The following ENPP6 variants were observed in gnomAD, a reference collection of about 807,000 sequenced individuals.
ENPP6 encodes the protein glycerophosphocholine cholinephosphodiesterase ENPP6.
In ENPP6, 32 loss-of-function variants were observed where a neutral mutation model predicts 42.0. The observed-to-expected ratio is 0.76, with a 90% CI of 0.58 to 1.02. The LOEUF is 1.02. Ranked by LOEUF, ENPP6 falls within the 50% of genes least tolerant of loss-of-function variation. The pLI is 0.00. For synonymous variants in ENPP6, 213 were observed against 216.0 expected, an observed-to-expected ratio of 0.99 and a Z score of 0.12; for missense variants, 552 against 566.8, an observed-to-expected ratio of 0.97 and a Z score of 0.27.
At chr4:184,194,404 G>A (rs73009747) in intron 1 of ENPP6, among the ~76,000 whole-genome samples, 135 of 152,310 alleles carry the variant, frequency 8.9e-4, no homozygotes, top group African/African-American at 3.2e-3. Context: ...CAATGTTTCT[G>A]GCAGGGAGGA....
chr4:184,107,740 C>T (rs1736122924), intron 6 of ENPP6, among the ~76,000 whole-genome samples: 1 of 152,106 alleles, frequency 6.6e-6, no homozygotes, highest in Non-Finnish European at 1.5e-5. Flanking sequence ...ACAGTGAAAC[C>T]TCGTCTCTAC....
At chr4:184,110,770 C>A (rs12504436) in intron 6 of ENPP6, among the ~76,000 whole-genome samples, 33,208 of 151,924 alleles carry the variant, frequency 0.22, 4,140 homozygotes, top group African/African-American at 0.35. Flanking sequence ...TTGCCTGCCT[C>A]CAGACTTCTA....
chr4:184,103,350 G>A (rs1736036349), intron 6 of ENPP6, among the ~76,000 whole-genome samples: 1 of 152,192 alleles, frequency 6.6e-6, no homozygotes, highest in South Asian at 2.1e-4. Context: ...CAGGGAACTG[G>A]GGAACACCGT....
At chr4:184,109,014 C>A (rs1167691574) in intron 6 of ENPP6, among the ~76,000 whole-genome samples, 1 of 152,204 alleles carries the variant, frequency 6.6e-6, no homozygotes, top group Non-Finnish European at 1.5e-5. Context: ...AGTTCAAGAC[C>A]ATCCTGGCCA....
chr4:184,095,171 G>A (rs1402436517), intron 7 of ENPP6, among the ~76,000 whole-genome samples: 3 of 152,174 alleles, frequency 2.0e-5, no homozygotes, highest in African/African-American at 4.8e-5. Flanking sequence ...TGCAATTAGC[G>A]CAGTCCATTT....
At chr4:184,188,002 C>T (rs1454319808) in intron 1 of ENPP6, among the ~76,000 whole-genome samples, 1 of 152,184 alleles carries the variant, frequency 6.6e-6, no homozygotes, top group African/African-American at 2.4e-5. Flanking sequence ...GCTCTTGGAG[C>T]ATACATTCTT....
Position 184,124,219 on chromosome 4 carries a change from T to G in ENPP6, c.475A>C (p.Asn159His), listed in dbSNP as rs202165467. The G allele has an allele frequency of 6.2e-7, 1 of 1,614,080 alleles. No homozygotes were observed. Among genetic ancestry groups the G allele is most frequent in the Non-Finnish European group, 8.5e-7 (1 of 1,179,976 alleles). Residue 159 changes from asparagine (N) to histidine (H), a missense_variant, in exon 3 of 8, where the codon AAT becomes CAT. This residue lies in a region of ENPP6 where 545 missense variants were observed against 546.3 expected (regional missense o/e 1.00). Coordinates refer to ENST00000296741, the MANE Select transcript of ENPP6 (RefSeq NM_153343.4). ...GCAAAATTGATATCCGTTGGGACATTTTTATATTCTAGGCAGTAGGTGGGT... is the reference window on the plus strand; with the variant it reads ...GCAAAATTGATATCCGTTGGGACATGTTTATATTCTAGGCAGTAGGTGGGT... ...VRPTYCLEYK[N>H]VPTDINFANA...
chr4:184,174,135 CTTTT>C (rs36058407), intron 1 of ENPP6, among the ~76,000 whole-genome samples: 4 of 130,986 alleles, frequency 3.1e-5, no homozygotes, highest in Admixed American at 7.7e-5. Flanking sequence ...GTCCCAAATC[CTTTT>C]TTTTTTTTTT....
chr4:184,113,888 T>C (rs1297156702), intron 5 of ENPP6, among the ~76,000 whole-genome samples: 4 of 151,358 alleles, frequency 2.6e-5, no homozygotes, highest in Non-Finnish European at 5.9e-5. Context: ...TCTTTTTCCT[T>C]CCTTTCTTTC....
At chr4:184,181,434 C>T (rs535057588) in intron 1 of ENPP6, among the ~76,000 whole-genome samples, 1 of 152,158 alleles carries the variant, frequency 6.6e-6, no homozygotes, top group Non-Finnish European at 1.5e-5. Flanking sequence ...GGCCATACTG[C>T]CCGAAGTAAT....
At chr4:184,130,440 C>T (rs546941694) in intron 2 of ENPP6, among the ~76,000 whole-genome samples, 4 of 98,854 alleles carry the variant, frequency 4.0e-5, no homozygotes, top group African/African-American at 1.5e-4. Context: ...CACCTGTAGT[C>T]CCAGCTACTC....
chr4:184,175,737 A>AC (rs1453889924), intron 1 of ENPP6, among the ~76,000 whole-genome samples: 1 of 152,022 alleles, frequency 6.6e-6, no homozygotes, highest in Non-Finnish European at 1.5e-5. Flanking sequence ...TCTTTATTCT[A>AC]CCCCAAAGGT....
At chr4:184,100,756 C>T (rs376253406) in intron 6 of ENPP6, among the ~76,000 whole-genome samples, 51 of 152,238 alleles carry the variant, frequency 3.4e-4, no homozygotes, top group Middle Eastern at 3.4e-3. Context: ...AAGAGGAGTC[C>T]CAGGCGATGG....
intron 7 of ENPP6, among the ~76,000 whole-genome samples, chr4:184,092,042 G>T (rs761510724): frequency 3.9e-5 from 6 of 152,218 alleles, no homozygotes; most frequent in Non-Finnish European, 7.3e-5. Flanking sequence ...AGCCTGTATG[G>T]TCACAGAGTG....
chr4:184,143,858 A>G, intron 2 of ENPP6, among the ~76,000 whole-genome samples: 1 of 152,246 alleles, frequency 6.6e-6, no homozygotes, highest in South Asian at 2.1e-4. Context: ...CAAGTGCTCC[A>G]GTGAAGTGCT....
intron 1 of ENPP6, among the ~76,000 whole-genome samples, chr4:184,206,247 T>C (rs1204019857): frequency 6.5e-5 from 8 of 122,222 alleles, no homozygotes; most frequent in African/African-American, 2.6e-4. Context: ...CAAAGGAAGC[T>C]TGAATTTTTT....
chr4:184,196,284 G>T (rs1732793865), intron 1 of ENPP6, among the ~76,000 whole-genome samples: 1 of 152,186 alleles, frequency 6.6e-6, no homozygotes, highest in Non-Finnish European at 1.5e-5. Context: ...CCCTGTGCCT[G>T]TTCTATCCTG....
At chr4:184,121,507 G>A (rs997617314) in intron 3 of ENPP6, among the ~76,000 whole-genome samples, 2 of 152,220 alleles carry the variant, frequency 1.3e-5, no homozygotes, top group African/African-American at 4.8e-5. Context: ...TTGGAGAAAT[G>A]TGTGTGCATG....
intron 2 of ENPP6, among the ~76,000 whole-genome samples, chr4:184,134,516 GGT>G (rs1356512349): frequency 6.6e-6 from 1 of 151,926 alleles, no homozygotes; most frequent in Non-Finnish European, 1.5e-5. Flanking sequence ...CAAATACATT[GGT>G]GTAACATTTT....
Sources: allele counts gnomAD v4.1 joint callset (sites outside exome capture counted in the v4.1 genomes callset), GRCh38; gene constraint gnomAD v4.1.1; regional missense constraint gnomAD v4.1.1; transcripts MANE v1.5; gene names NCBI Gene and HGNC (gene_info 2026-07-23, HGNC 2026-07-21).